Variants in AUTS2 observed in about 807,000 individuals in gnomAD.
AUTS2 encodes the protein activator of transcription and developmental regulator AUTS2.
AUTS2 carries 17 observed loss-of-function variants against 112.4 expected under a neutral mutation model. The ratio of observed to expected loss-of-function variants is 0.15; its 90% CI spans 0.10 to 0.23. The LOEUF is 0.23. Among genes scored for constraint, AUTS2 ranks in the 10% least tolerant of loss-of-function variants. The pLI, the probability that AUTS2 is intolerant of heterozygous loss-of-function variation, is 1.00. For synonymous variants in AUTS2, 751 were observed against 702.7 expected, an observed-to-expected ratio of 1.07 and a Z score of -1.09; for missense variants, 1,510 against 1,701.6, an observed-to-expected ratio of 0.89 and a Z score of 1.98.
chr7:70,766,217 C>CCATCAGCACCAG lies in AUTS2; in HGVS notation c.1575_1586dup (p.Gln530_His533dup). 6.2e-7 allele frequency: 1 copy of CCATCAGCACCAG among 1,614,134 alleles called. No homozygotes were observed. Among genetic ancestry groups the CCATCAGCACCAG allele is most frequent in the Non-Finnish European group, 8.5e-7 (1 of 1,180,040 alleles). The stretch of plus-strand genomic sequence containing the variant: ...CTCCGCCCTACCTGCGGACCGAGTT[C>CCATCAGCACCAG]CATCAGCACCAGCACCAGCACCAGC... On this transcript the variant is annotated inframe_insertion, in exon 9 of 19. Transcript: ENST00000342771. This position sits in a 1 kb window ranked among gnomAD's most constrained non-coding sequence, Gnocchi z 4.8.
intron 5 of AUTS2, among the ~76,000 whole-genome samples, chr7:70,618,568 C>A (rs1406075711): frequency 6.6e-6 from 1 of 152,204 alleles, no homozygotes; most frequent in Admixed American, 6.5e-5. Flanking sequence ...AATTAAACTG[C>A]GATCACTAAC....
chr7:70,684,547 G>A (rs778455747), intron 5 of AUTS2, among the ~76,000 whole-genome samples: 4 of 150,978 alleles, frequency 2.6e-5, no homozygotes, highest in African/African-American at 2.5e-5. Context: ...GGTGTGGTGT[G>A]GCGTGGCGTG....
At chr7:70,503,887 A>G (rs1798864925) in intron 5 of AUTS2, among the ~76,000 whole-genome samples, 1 of 151,542 alleles carries the variant, frequency 6.6e-6, no homozygotes, top group Non-Finnish European at 1.5e-5. Flanking sequence ...ATGCAGAGAA[A>G]AGTTTGACTA....
At chr7:69,997,889 T>C (rs1799018200) in intron 2 of AUTS2, among the ~76,000 whole-genome samples, 1 of 152,194 alleles carries the variant, frequency 6.6e-6, no homozygotes, top group African/African-American at 2.4e-5. Context: ...TTTGTTAAAC[T>C]CAGTGGAAAT....
chr7:69,969,385 G>T (rs916840990), intron 2 of AUTS2, among the ~76,000 whole-genome samples: 7 of 152,262 alleles, frequency 4.6e-5, no homozygotes, highest in African/African-American at 1.7e-4. Context: ...GTAATGTAAA[G>T]CTAAGTAATG....
At chr7:70,789,610 A>G in intron 18 of AUTS2, 138 bp from the exon 19 acceptor site, 1 of 1,009,054 alleles carries the variant, frequency 9.9e-7, no homozygotes, top group Non-Finnish European at 1.4e-6. Flanking sequence ...TGTCCAGGGC[A>G]CGGCTGCTGC....
chr7:69,885,905 C>T (rs147922829), intron 1 of AUTS2, among the ~76,000 whole-genome samples: 1 of 152,228 alleles, frequency 6.6e-6, no homozygotes, highest in Middle Eastern at 3.4e-3. Flanking sequence ...ATGTTTAGTT[C>T]TTAAATCAAA....
intron 4 of AUTS2, among the ~76,000 whole-genome samples, chr7:70,252,985 TTTGTGATA>T (rs1786680110): frequency 1.3e-5 from 2 of 152,180 alleles, no homozygotes; most frequent in Admixed American, 1.3e-4. Flanking sequence ...TCACTGTAGC[TTTGTGATA>T]GATCTTGAAG....
chr7:69,670,308 C>G (rs369310444), intron 1 of AUTS2, among the ~76,000 whole-genome samples: 18 of 152,102 alleles, frequency 1.2e-4, no homozygotes, highest in African/African-American at 4.1e-4. Context: ...TTTTCTGATA[C>G]TTGGGCCTTT....
chr7:70,776,686 C>G (rs1452410198), intron 13 of AUTS2: 2 of 256,078 alleles, frequency 7.8e-6, no homozygotes, highest in Non-Finnish European at 1.5e-5. Flanking sequence ...TGATTTGACT[C>G]ACAGACATTC....
chr7:70,778,207 A>G (rs963498571), intron 14 of AUTS2, among the ~76,000 whole-genome samples: 6 of 152,214 alleles, frequency 3.9e-5, no homozygotes, highest in Non-Finnish European at 8.8e-5. Flanking sequence ...GGCTTAGGGA[A>G]CAAAGTAACT....
At chr7:70,386,356 AACAC>A (rs1211057211) in intron 4 of AUTS2, among the ~76,000 whole-genome samples, 1 of 152,242 alleles carries the variant, frequency 6.6e-6, no homozygotes, top group Non-Finnish European at 1.5e-5. Context: ...ATTATTTAAA[AACAC>A]ATTTATTGAA....
intron 2 of AUTS2, among the ~76,000 whole-genome samples, chr7:69,995,300 G>A (rs1798899188): frequency 6.6e-6 from 1 of 152,110 alleles, no homozygotes. Context: ...AACTAGGGTT[G>A]GATCTGAAAT....
intron 1 of AUTS2, among the ~76,000 whole-genome samples, chr7:69,711,771 C>A (rs1798336818): frequency 6.6e-6 from 1 of 152,118 alleles, no homozygotes; most frequent in Non-Finnish European, 1.5e-5. Context: ...TAAAACCAGT[C>A]TTTGTAACAA....
chr7:70,545,010 G>A (rs1800713482), intron 5 of AUTS2, among the ~76,000 whole-genome samples: 1 of 152,214 alleles, frequency 6.6e-6, no homozygotes, highest in Non-Finnish European at 1.5e-5. Context: ...AGCATCCTGA[G>A]AAGCCTCGCT....
intron 4 of AUTS2, among the ~76,000 whole-genome samples, chr7:70,331,474 T>C (rs1790742853): frequency 6.6e-6 from 1 of 152,126 alleles, no homozygotes; most frequent in African/African-American, 2.4e-5. Flanking sequence ...GTCTATCTAT[T>C]TTTGTTAATC....
chr7:70,419,556 G>T (rs1476015349), intron 4 of AUTS2, among the ~76,000 whole-genome samples: 1 of 152,014 alleles, frequency 6.6e-6, no homozygotes, highest in Non-Finnish European at 1.5e-5. Context: ...TGTATTATTG[G>T]GTCATTTCCT....
chr7:69,671,696 C>T (rs561129850), intron 1 of AUTS2, among the ~76,000 whole-genome samples: 58 of 152,098 alleles, frequency 3.8e-4, no homozygotes, highest in Middle Eastern at 3.4e-3. Context: ...GCTATTGGTC[C>T]TTTAGGACAA....
chr7:69,621,660 T>C lies in AUTS2; in HGVS notation c.309+21698T>C, dbSNP rs145574635. Among the ~76,000 whole-genome samples the C allele has an allele frequency of 2.0e-3, 303 of 152,330 alleles. 1 individual carries two copies. Among genetic ancestry groups the C allele is most frequent in the African/African-American group, 6.8e-3 (284 of 41,578 alleles). On this transcript the variant is annotated intron_variant, in intron 1 of 18. Transcript: ENST00000342771. ...TTATAAACTTAATTTGTGTCACTCA[T>C]ACTTCTGTGGATGAACTACATTAAA...
Sources: gnomAD v4.1 joint callset for allele counts (sites outside exome capture counted in the v4.1 genomes callset) on GRCh38, gnomAD v4.1.1 for gene constraint, Gnocchi (gnomAD v3.1) non-coding constraint, MANE v1.5 for transcripts, NCBI Gene and HGNC (gene_info 2026-07-23, HGNC 2026-07-21) for gene names.